The following FRMD3 variants were observed in gnomAD, a reference collection of about 807,000 sequenced individuals.
FRMD3 encodes the protein FERM domain-containing protein 3.
FRMD3 carries 33 observed loss-of-function variants against 70.2 expected under a neutral mutation model. The observed-to-expected ratio is 0.47, with a 90% confidence interval of 0.36 to 0.63. The LOEUF (loss-of-function observed/expected upper bound fraction) is 0.63, where lower values mean the gene tolerates loss of function less well. Among genes scored for constraint, FRMD3 ranks in the 20% least tolerant of loss-of-function variants. The probability of loss-of-function intolerance (pLI) is 0.00; values close to 1 mark genes in which losing one functional copy is unlikely to be tolerated. For missense variants in FRMD3, 632 were observed against 711.4 expected (o/e 0.89, Z 1.27); for synonymous variants, 279 against 255.9 (o/e 1.09, Z -0.86).
At chr9:83,478,459 T>C (rs1022962066) in intron 1 of FRMD3, among the ~76,000 whole-genome samples, 20 of 152,162 alleles carry the variant, frequency 1.3e-4, no homozygotes, top group African/African-American at 4.1e-4. Flanking sequence ...GAGATACCAC[T>C]TCACCCCATT....
At chr9:83,312,260 C>T in intron 7 of FRMD3, among the ~76,000 whole-genome samples, 1 of 152,212 alleles carries the variant, frequency 6.6e-6, no homozygotes, top group South Asian at 2.1e-4. Flanking sequence ...ATGTCTACTT[C>T]CCAGTGTCTT....
chr9:83,489,470 A>G (rs1828765943), intron 1 of FRMD3, among the ~76,000 whole-genome samples: 1 of 152,244 alleles, frequency 6.6e-6, no homozygotes, highest in Non-Finnish European at 1.5e-5. Flanking sequence ...AGTTTTCAAA[A>G]CACAACATAG....
chr9:83,544,507 T>C, the FRMD3 span, among the ~76,000 whole-genome samples: 3 of 152,056 alleles, frequency 2.0e-5, no homozygotes, highest in Non-Finnish European at 4.4e-5. Context: ...AACACAGAGC[T>C]TCTCCCAGCT....
At position 83,370,616 on chromosome 9, in the gene FRMD3, C is replaced by T. The variant is rs568030988; in HGVS notation, c.295+2297G>A. Among the ~76,000 whole-genome samples the T allele has an allele frequency of 1.5e-4, 23 of 152,228 alleles. No homozygotes were observed. The South Asian group carries it at 4.6e-3, about 30-fold the overall frequency. ...CAATCTTTACACCATTCTAATAAGA[C>T]ATTATGTGTTTTAGGGTGGGTGCAG... On this transcript the variant is annotated intron_variant, in intron 3 of 13. Transcript: ENST00000304195.
At chr9:83,251,595 C>G (rs945481648) in intron 13 of FRMD3, among the ~76,000 whole-genome samples, 2 of 152,106 alleles carry the variant, frequency 1.3e-5, no homozygotes, top group African/African-American at 4.8e-5. Context: ...TGTTCTAACC[C>G]AATGCAAAGA....
At chr9:83,506,052 C>G (rs1829175252) in intron 1 of FRMD3, among the ~76,000 whole-genome samples, 1 of 152,212 alleles carries the variant, frequency 6.6e-6, no homozygotes, top group African/African-American at 2.4e-5. Flanking sequence ...CTGCGCTGGT[C>G]AGCTCTGAAC....
intron 1 of FRMD3, among the ~76,000 whole-genome samples, chr9:83,405,560 G>A (rs541724423): frequency 2.0e-5 from 3 of 151,218 alleles, no homozygotes; most frequent in Admixed American, 6.6e-5. Flanking sequence ...TTGGGAGTTC[G>A]AGACCAGCCT....
At chr9:83,562,614 C>T in the FRMD3 span, among the ~76,000 whole-genome samples, 1 of 152,216 alleles carries the variant, frequency 6.6e-6, no homozygotes, top group Non-Finnish European at 1.5e-5. Flanking sequence ...CTGTCCTGTT[C>T]ACCACACGTG....
chr9:83,317,120 G>T (rs946303672), intron 6 of FRMD3, among the ~76,000 whole-genome samples: 4 of 151,032 alleles, frequency 2.6e-5, no homozygotes, highest in Admixed American at 2.0e-4. Context: ...GAGCAAGAAA[G>T]ATCCTGTCTT....
intron 13 of FRMD3, among the ~76,000 whole-genome samples, chr9:83,253,528 T>C (rs923654796): frequency 3.3e-5 from 5 of 152,174 alleles, no homozygotes; most frequent in African/African-American, 1.2e-4. Context: ...TCATCGTCAC[T>C]GGCCATCAGA....
At chr9:83,349,650 C>G (rs773405855) in intron 4 of FRMD3, 29 bp downstream of exon 4, 15 of 1,529,856 alleles carry the variant, frequency 9.8e-6, no homozygotes, top group Admixed American at 1.7e-5. Flanking sequence ...TAAAGGTGCA[C>G]GTTAAACATA....
At chr9:83,569,358 T>C in the FRMD3 span, among the ~76,000 whole-genome samples, 6 of 152,234 alleles carry the variant, frequency 3.9e-5, no homozygotes, top group Admixed American at 2.6e-4. Flanking sequence ...CTCTTGCAGA[T>C]GGATCTCATT....
chr9:83,308,874 C>A (rs554820064), intron 10 of FRMD3, among the ~76,000 whole-genome samples: 2 of 152,170 alleles, frequency 1.3e-5, no homozygotes, highest in African/African-American at 4.8e-5. Context: ...CCAACCCATA[C>A]TCAGAGTAAG....
intron 1 of FRMD3, among the ~76,000 whole-genome samples, chr9:83,450,473 G>A (rs964528248): frequency 1.3e-5 from 2 of 151,044 alleles, no homozygotes; most frequent in Non-Finnish European, 2.9e-5. Context: ...GTGTCATCTA[G>A]CATTAGGTAT....
chr9:83,346,022 G>A lies in FRMD3; in HGVS notation c.375-2735C>T, dbSNP rs141702505. On this transcript the variant is annotated intron_variant, in intron 4 of 13. Coordinates refer to ENST00000304195, the MANE Select transcript of FRMD3 (RefSeq NM_174938.6). ...CTGTACTCCCAGCATTTGGGAGGCC[G>A]AGGCAGGCGGATAGCCTGAGGTCAG... Among the ~76,000 whole-genome samples, 988 of 152,190 alleles carry A rather than the reference G, an allele frequency of 6.5e-3. 15 individuals carry two copies. Among genetic ancestry groups the A allele is most frequent in the African/African-American group, 0.022 (932 of 41,546 alleles).
At chr9:83,389,906 A>G (rs1053938582) in intron 1 of FRMD3, among the ~76,000 whole-genome samples, 198 bp from the exon 2 acceptor site, 4 of 152,140 alleles carry the variant, frequency 2.6e-5, no homozygotes, top group Non-Finnish European at 5.9e-5. Context: ...GCCATTACAC[A>G]CACACAAACA....
intron 10 of FRMD3, among the ~76,000 whole-genome samples, chr9:83,306,481 G>A (rs961223467): frequency 6.6e-6 from 1 of 152,092 alleles, no homozygotes; most frequent in Admixed American, 6.5e-5. Context: ...CCACATTCCT[G>A]CCATGGTACC....
intron 13 of FRMD3, among the ~76,000 whole-genome samples, chr9:83,275,639 C>T (rs1833770734): frequency 6.6e-6 from 1 of 152,156 alleles, no homozygotes; most frequent in Non-Finnish European, 1.5e-5. Flanking sequence ...ACAAGCCACC[C>T]ATAGATTGTG....
intron 1 of FRMD3, among the ~76,000 whole-genome samples, chr9:83,423,777 G>A (rs934470381): frequency 6.6e-6 from 1 of 151,272 alleles, no homozygotes; most frequent in Admixed American, 6.6e-5. Flanking sequence ...TTGTATTTTT[G>A]CAGAGTTGGG....
Sources: allele counts gnomAD v4.1 joint callset (sites outside exome capture counted in the v4.1 genomes callset), GRCh38; gene constraint gnomAD v4.1.1; transcripts MANE v1.5; gene names NCBI Gene and HGNC (gene_info 2026-07-23, HGNC 2026-07-21).